Variants in CHD5 observed in about 807,000 individuals in gnomAD.
CHD5 encodes the protein chromodomain helicase DNA binding protein 5.
A neutral mutation model predicts 230.3 loss-of-function variants in CHD5; 69 were observed. The observed-to-expected ratio is 0.30, with a 90% CI of 0.25 to 0.37. The LOEUF is 0.37. Ranked by LOEUF, CHD5 falls within the 10% of genes least tolerant of loss-of-function variation. The probability of loss-of-function intolerance (pLI) is 1.00; values close to 1 mark genes in which losing one functional copy is unlikely to be tolerated. For missense variants in CHD5, 1,827 were observed against 2,622.8 expected (o/e 0.70, Z 6.63); for synonymous variants, 1,064 against 1,065.9 (o/e 1.00, Z 0.03).
In CHD5 at chr1:6,105,530, T is replaced by C. The variant is rs925730902; in HGVS notation, c.*47-103A>G. On this transcript the variant is annotated intron_variant, in intron 41 of 41. Coordinates refer to ENST00000262450, the MANE Select transcript of CHD5 (RefSeq NM_015557.3). The surrounding 1 kb of genome is among the most constrained non-coding windows in gnomAD (Gnocchi z 4.8). ...TGCTTCTCCACCTATCACAACCAAC[T>C]ATGATCGGGGTGCCCCCCAGCCATG... is the stretch of plus-strand genomic sequence containing the variant. The C allele has an allele frequency of 1.6e-5, 6 of 372,118 alleles. No individual in the cohort carries two copies. The highest frequency in any genetic ancestry group is 1.3e-4 in the African/African-American group (6 of 47,052). 23.1% of individuals were successfully genotyped at this position (372,118 alleles called of 1,614,324 possible).
intron 31 of CHD5, among the ~76,000 whole-genome samples, chr1:6,123,588 G>T (rs753238180): frequency 1.3e-5 from 2 of 151,978 alleles, no homozygotes; most frequent in Non-Finnish European, 2.9e-5. Flanking sequence ...CACCATGCCC[G>T]GCTAATCTTT....
rs751895497 is a variant in CHD5 at position 6,112,960 on chromosome 1, G to A, written c.4951C>T (p.Leu1651=). 32 of 1,614,008 alleles carry A rather than the reference G, an allele frequency of 2.0e-5. No homozygotes were observed. In the South Asian group the frequency reaches 3.1e-4, roughly 16 times the overall value. The change falls in exon 34 of 42, where the codon CTG becomes TTG. Residue 1651 remains leucine (L), a synonymous_variant. Coordinates refer to ENST00000262450, the MANE Select transcript of CHD5 (RefSeq NM_015557.3). The stretch of plus-strand genomic sequence containing the variant: ...CTGCTGTGGATCAAGCTCAGCTCCA[G>A]CTTGTCCAGGATCTTCTCCTTCTCA... ...LPEKEKILDK[L]ELSLIHSRGD...
chr1:6,146,988 C>T lies in CHD5; in HGVS notation c.1384-117G>A. On this transcript the variant is annotated intron_variant, in intron 9 of 41. Coordinates refer to ENST00000262450, the MANE Select transcript of CHD5 (RefSeq NM_015557.3). This position sits in a 1 kb window ranked among gnomAD's most constrained non-coding sequence, Gnocchi z 5.1. ...CCCATCAGTGCCACTGCCCCCAAGT[C>T]AGAACAGTACCACGGTGACGCCATG... 1.3e-6 allele frequency: 1 copy of T among 763,886 alleles called. No homozygotes were observed. Among genetic ancestry groups the T allele is most frequent in the East Asian group, 2.7e-5 (1 of 36,570 alleles). The allele number at this position is 763,886 out of a possible 1,614,324, so 47.3% of individuals were successfully genotyped here.
intron 2 of CHD5, among the ~76,000 whole-genome samples, chr1:6,166,100 G>C (rs1442694272): frequency 6.6e-6 from 1 of 151,906 alleles, no homozygotes; most frequent in East Asian, 1.9e-4. Flanking sequence ...ATCCATCCCG[G>C]ACACTGTGTC....
chr1:6,102,038 C>T lies in CHD5; in HGVS notation c.*3436G>A. Reference sequence around the variant, plus strand: ...CTCCCTTTGCCAGCCTGGGGCTGTGCCTGGGGAAAGGGGTCGGCCCCCTCT... The same window carrying T: ...CTCCCTTTGCCAGCCTGGGGCTGTGTCTGGGGAAAGGGGTCGGCCCCCTCT... On this transcript the variant is annotated 3_prime_UTR_variant, in exon 42 of 42. Coordinates refer to ENST00000262450, the MANE Select transcript of CHD5 (RefSeq NM_015557.3). 1 of 393,582 alleles carries T rather than the reference C, an allele frequency of 2.5e-6. No homozygotes were observed. The allele number at this position is 393,582 out of a possible 1,614,324, so 24.4% of individuals were successfully genotyped here. A position where few individuals can be genotyped will look rare whatever the true frequency, so the allele number is the denominator to read the frequency against.
intron 38 of CHD5, among the ~76,000 whole-genome samples, chr1:6,107,082 G>GGAGGGA (rs1557533874): frequency 9.8e-6 from 1 of 102,488 alleles, no homozygotes; most frequent in Non-Finnish European, 1.9e-5. Flanking sequence ...TGATGGAGGG[G>GGAGGGA]TGGAAGGACG....
chr1:6,163,882 A>G (rs1667214095), intron 2 of CHD5, among the ~76,000 whole-genome samples: 1 of 152,248 alleles, frequency 6.6e-6, no homozygotes, highest in African/African-American at 2.4e-5. Flanking sequence ...CGGCTGCAGC[A>G]GCCTTAGGCG....
At chr1:6,159,257 AC>A in intron 3 of CHD5, 78 bp downstream of exon 3, 1 of 1,523,650 alleles carries the variant, frequency 6.6e-7, no homozygotes, top group East Asian at 2.5e-5. Context: ...ACACACACAC[AC>A]AGAACATACA....
intron 2 of CHD5, among the ~76,000 whole-genome samples, chr1:6,163,359 C>T (rs1433878353): frequency 1.3e-5 from 2 of 152,232 alleles, no homozygotes; most frequent in African/African-American, 4.8e-5. Flanking sequence ...TGCCCTGAGC[C>T]TCTGCCCTGC....
In CHD5 at chr1:6,130,220, G is replaced by T; in HGVS notation, c.3371C>A (p.Pro1124Gln). The T allele has an allele frequency of 6.2e-7, 1 of 1,614,054 alleles. No homozygotes were observed. Residue 1124 changes from proline (P) to glutamine (Q), a missense_variant, in exon 22 of 42, where the codon CCG (proline) becomes CAG (glutamine). Physicochemically the swap from Pro to Gln is moderately conservative, Grantham distance 76 (BLOSUM62 -1). Transcript: ENST00000262450. The surrounding 1 kb of genome is among the most constrained non-coding windows in gnomAD (Gnocchi z 4.9). ...AGCACAGACCTGGATGTCATTGTGCGGGTTCCAGTCCGAGTCGTAGATGAT... is the reference window on the plus strand; with the variant it reads ...AGCACAGACCTGGATGTCATTGTGCTGGTTCCAGTCCGAGTCGTAGATGAT... ...TVIIYDSDWN[P>Q]HNDIQAFSRA...
chr1:6,160,694 CT>C (rs1667163259), intron 2 of CHD5, among the ~76,000 whole-genome samples: 1 of 152,266 alleles, frequency 6.6e-6, no homozygotes, highest in African/African-American at 2.4e-5. Flanking sequence ...CACCTTCCCC[CT>C]CTCCCACCCC....
chr1:6,133,365 G>A (rs1666688435), intron 20 of CHD5, among the ~76,000 whole-genome samples: 1 of 152,230 alleles, frequency 6.6e-6, no homozygotes, highest in African/African-American at 2.4e-5. Context: ...GTATTCTTCG[G>A]GCTGAAGCAG....
Position 6,175,515 on chromosome 1 carries a change from A to AGATG in CHD5, c.79+4426_79+4429dup, listed in dbSNP as rs1463489577. On this transcript the variant is annotated intron_variant, in intron 1 of 41. Coordinates refer to ENST00000262450, the MANE Select transcript of CHD5 (RefSeq NM_015557.3). ...ATGGAAGCATGAATGGTGGATGGGCAGATGGATGGATGGTGGATGGGCAGA... is the reference window on the plus strand; with the variant it reads ...ATGGAAGCATGAATGGTGGATGGGCAGATGGATGGATGGATGGTGGATGGGCAGA... Among the ~76,000 whole-genome samples, 77 of 130,020 alleles carry AGATG rather than the reference A, an allele frequency of 5.9e-4. 1 individual carries two copies. The highest frequency in any genetic ancestry group is 2.3e-3 in the African/African-American group (76 of 33,444). 85.3% of individuals were successfully genotyped at this position (130,020 alleles called of 152,430 possible).
intron 30 of CHD5, 55 bp from the exon 31 acceptor site, chr1:6,124,162 TCA>T: frequency 6.5e-7 from 1 of 1,534,192 alleles, no homozygotes; most frequent in South Asian, 1.2e-5. Context: ...TGGTGGCAAC[TCA>T]GCCCTAAGGG....
At position 6,112,251 on chromosome 1, in the gene CHD5, G is replaced by T; in HGVS notation, c.5029C>A (p.Pro1677Thr). The T allele has an allele frequency of 6.2e-7, 1 of 1,614,062 alleles. No homozygotes were observed. Among genetic ancestry groups the T allele is most frequent in the Non-Finnish European group, 8.5e-7 (1 of 1,179,990 alleles). The change falls in exon 35 of 42, where the codon CCC becomes ACC. Residue 1677 changes from proline to threonine, a missense_variant. Pro to Thr is a conservative substitution (Grantham distance 38). Transcript: ENST00000262450. ...PDDTKAEEKE[P>T]IETQQNGDKE... ...TCACCATTTTGCTGTGTTTCAATGG[G>T]CTCCTTCTCCTCAGCCTTGGTGTCA...
intron 2 of CHD5, among the ~76,000 whole-genome samples, chr1:6,161,998 C>T (rs1158905182): frequency 6.6e-6 from 1 of 152,202 alleles, no homozygotes; most frequent in Non-Finnish European, 1.5e-5. Flanking sequence ...AAGCCTGAGA[C>T]TTGGCCAAGT....
At chr1:6,114,507 AAC>A (rs3036972) in intron 33 of CHD5, among the ~76,000 whole-genome samples, 8 of 150,396 alleles carry the variant, frequency 5.3e-5, no homozygotes, top group Non-Finnish European at 1.0e-4. Flanking sequence ...TATACACATA[AAC>A]ACACACACAC....
At position 6,104,964 on chromosome 1, in the gene CHD5, T is replaced by A. The variant is rs1229579480; in HGVS notation, c.*510A>T. The A allele has an allele frequency of 5.1e-6, 1 of 197,808 alleles. No individual in the cohort carries two copies. The highest frequency in any genetic ancestry group is 1.0e-5 in the Non-Finnish European group (1 of 96,128). 12.3% of individuals were successfully genotyped at this position (197,808 alleles called of 1,614,324 possible). On this transcript the variant is annotated 3_prime_UTR_variant, in exon 42 of 42. Transcript: ENST00000262450. Reference sequence around the variant, plus strand: ...TGCAGACAGGTCAGGTAGGGGACACTGAGGGCTCCTAGGGCACCGGGCGCC... The same window carrying A: ...TGCAGACAGGTCAGGTAGGGGACACAGAGGGCTCCTAGGGCACCGGGCGCC...
intron 1 of CHD5, among the ~76,000 whole-genome samples, chr1:6,171,688 G>A (rs1050849844): frequency 6.6e-6 from 1 of 152,248 alleles, no homozygotes; most frequent in Non-Finnish European, 1.5e-5. Flanking sequence ...GAGCCCACCA[G>A]TCCCTCCTCC....
Sources: allele counts gnomAD v4.1 joint callset (sites outside exome capture counted in the v4.1 genomes callset), GRCh38; gene constraint gnomAD v4.1.1; non-coding constraint Gnocchi (gnomAD v3.1); transcripts MANE v1.5; gene names NCBI Gene and HGNC (gene_info 2026-07-23, HGNC 2026-07-21).